Variants in SYT14 observed in about 807,000 individuals in gnomAD.
The protein encoded by SYT14 is synaptotagmin-14.
Under a neutral mutation model 74.2 loss-of-function variants are expected in SYT14, and 32 were observed. That is an observed-to-expected ratio of 0.43 (90% CI 0.33 to 0.58). SYT14 has a LOEUF of 0.58. SYT14 is among the 20% of genes least tolerant of loss of function. SYT14 has a pLI of 0.05. For synonymous variants in SYT14, 298 were observed against 337.7 expected, an observed-to-expected ratio of 0.88 and a Z score of 1.29; for missense variants, 791 against 981.8, an observed-to-expected ratio of 0.81 and a Z score of 2.60.
At chr1:209,956,145 C>T (rs1203237593) in intron 2 of SYT14, among the ~76,000 whole-genome samples, 1 of 152,042 alleles carries the variant, frequency 6.6e-6, no homozygotes, top group East Asian at 1.9e-4. Context: ...TCTTCTGCTA[C>T]CACCCTTCCC....
intron 5 of SYT14, among the ~76,000 whole-genome samples, chr1:210,082,008 A>G (rs1233595751): frequency 1.3e-5 from 2 of 152,232 alleles, no homozygotes. Flanking sequence ...AGAAAAGTTA[A>G]CGTTAAATGT....
At chr1:210,059,435 T>C (rs924571241) in intron 5 of SYT14, among the ~76,000 whole-genome samples, 4 of 90,852 alleles carry the variant, frequency 4.4e-5, no homozygotes, top group African/African-American at 2.1e-4. Flanking sequence ...AGAATATATA[T>C]ATATATATAT....
At chr1:209,997,162 G>GA (rs35385388) in intron 2 of SYT14, among the ~76,000 whole-genome samples, 13 of 149,806 alleles carry the variant, frequency 8.7e-5, no homozygotes, top group South Asian at 4.2e-4. Flanking sequence ...GGGAAAAAAA[G>GA]AAAAAAAAAA....
chr1:210,122,936 A>G (rs1212947805), intron 7 of SYT14, among the ~76,000 whole-genome samples: 1 of 152,200 alleles, frequency 6.6e-6, no homozygotes, highest in Non-Finnish European at 1.5e-5. Flanking sequence ...TCTTACTTAA[A>G]TAATAGATTT....
At chr1:210,128,566 C>T (rs1281251606) in intron 7 of SYT14, among the ~76,000 whole-genome samples, 2 of 151,982 alleles carry the variant, frequency 1.3e-5, no homozygotes, top group East Asian at 3.9e-4. Context: ...TTAGAAATGC[C>T]ACTCTTTAAA....
exon 5 of SYT14, chr1:210,021,069 G>C (rs1434964675): frequency 6.2e-7 from 1 of 1,613,762 alleles, no homozygotes; most frequent in Non-Finnish European, 8.5e-7. Flanking sequence ...GATGAGCATG[G>C]TTCATCCTCT....
chr1:209,986,545 G>T (rs1229318136), intron 2 of SYT14, among the ~76,000 whole-genome samples: 4 of 152,018 alleles, frequency 2.6e-5, no homozygotes, highest in African/African-American at 7.2e-5. Flanking sequence ...CCCAGGAGGT[G>T]GAGCTTGCAG....
intron 5 of SYT14, among the ~76,000 whole-genome samples, chr1:210,080,356 T>A (rs2081595650): frequency 6.6e-6 from 1 of 152,238 alleles, no homozygotes; most frequent in South Asian, 2.1e-4. Context: ...AGGAAATTTT[T>A]AAAATAATTG....
intron 7 of SYT14, among the ~76,000 whole-genome samples, chr1:210,134,432 A>G (rs1455913481): frequency 1.3e-5 from 2 of 152,154 alleles, no homozygotes; most frequent in East Asian, 1.9e-4. Flanking sequence ...TTAACTATGC[A>G]TTACTCTTAT....
chr1:210,096,990 A>G (rs1183921492), intron 6 of SYT14, among the ~76,000 whole-genome samples: 1 of 152,162 alleles, frequency 6.6e-6, no homozygotes, highest in Non-Finnish European at 1.5e-5. Context: ...TTTTGTCTGT[A>G]TTTCAGAAGC....
chr1:210,121,435 A>G (rs1391447423), intron 7 of SYT14, among the ~76,000 whole-genome samples: 1 of 152,218 alleles, frequency 6.6e-6, no homozygotes, highest in Non-Finnish European at 1.5e-5. Flanking sequence ...GCTAGTAATA[A>G]CTGTTTTCAG....
At chr1:210,012,708 C>CTT (rs879303507) in intron 2 of SYT14, among the ~76,000 whole-genome samples, 12 of 143,724 alleles carry the variant, frequency 8.3e-5, no homozygotes, top group Middle Eastern at 3.7e-3. Flanking sequence ...TTCTTTCTTT[C>CTT]TTTTTTTTTT....
In SYT14 at chr1:209,948,585, C is replaced by A. The variant is rs75333749; in HGVS notation, c.-533-4124C>A. 2.9e-3 allele frequency among the ~76,000 whole-genome samples: 445 copies of A among 152,230 alleles called. 11 individuals carry two copies. The East Asian group carries it at 0.059, about 20-fold the overall frequency. ...CCGCAAGTATAGTTTTTATGCAGTT[C>A]TATTTAAATTACCTTAAAGGATTGG... On this transcript the variant is annotated intron_variant, in intron 1 of 9. Transcript: ENST00000637265.
intron 2 of SYT14, among the ~76,000 whole-genome samples, chr1:209,954,609 A>T (rs1442394208): frequency 6.6e-6 from 1 of 152,188 alleles, no homozygotes; most frequent in Non-Finnish European, 1.5e-5. Flanking sequence ...TCCATAGAGT[A>T]GATCATATGA....
chr1:210,116,536 G>A (rs2082364974), intron 7 of SYT14, among the ~76,000 whole-genome samples: 1 of 151,990 alleles, frequency 6.6e-6, no homozygotes, highest in Admixed American at 6.6e-5. Context: ...TGGTAGAGGT[G>A]GGGTTTCACC....
intron 7 of SYT14, among the ~76,000 whole-genome samples, chr1:210,117,569 C>T (rs2082384897): frequency 6.6e-6 from 1 of 152,108 alleles, no homozygotes; most frequent in Admixed American, 6.5e-5. Context: ...AGTCATGGCT[C>T]ACTTTAGTAT....
At chr1:210,115,364 G>A (rs2082338741) in intron 7 of SYT14, among the ~76,000 whole-genome samples, 1 of 149,346 alleles carries the variant, frequency 6.7e-6, no homozygotes, top group Non-Finnish European at 1.5e-5. Context: ...GTTGGGGGGT[G>A]CTTGCCCCCC....
chr1:210,081,222 T>C (rs1411744258), intron 5 of SYT14, among the ~76,000 whole-genome samples: 1 of 152,178 alleles, frequency 6.6e-6, no homozygotes, highest in Non-Finnish European at 1.5e-5. Context: ...AAGTAATGTG[T>C]ATACCTTTAA....
exon 10 of SYT14, chr1:210,160,742 G>C: frequency 6.2e-7 from 1 of 1,613,698 alleles, no homozygotes; most frequent in East Asian, 2.2e-5. Context: ...CATATGTTAA[G>C]TTAACTCTAC....
Sources: allele counts gnomAD v4.1 joint callset (sites outside exome capture counted in the v4.1 genomes callset), GRCh38; gene constraint gnomAD v4.1.1; transcripts MANE v1.5; gene names NCBI Gene and HGNC (gene_info 2026-07-23, HGNC 2026-07-21).